PIEZO2: variants seen among roughly 807,000 people sequenced by gnomAD.
The protein encoded by PIEZO2 is piezo-type mechanosensitive ion channel component 2.
PIEZO2 carries 172 observed loss-of-function variants against 337.3 expected under a neutral mutation model. The ratio of observed to expected loss-of-function variants is 0.51; its 90% confidence interval spans 0.45 to 0.58. The LOEUF is 0.58. PIEZO2 is among the 20% of genes least tolerant of loss of function. PIEZO2 has a pLI of 0.00. For synonymous variants in PIEZO2, 1,251 were observed against 1,228.5 expected (o/e 1.02, Z -0.38); for missense variants, 3,028 against 3,391.3 (o/e 0.89, Z 2.66).
Position 11,133,648 on chromosome 18 carries a change from G to T in PIEZO2, c.64+14877C>A, listed in dbSNP as rs550715414. 3.3e-5 allele frequency among the ~76,000 whole-genome samples: 5 copies of T among 152,224 alleles called. 1 individual carries two copies. Among genetic ancestry groups the T allele is most frequent in the African/African-American group, 1.2e-4 (5 of 41,542 alleles). ...ACTTCCCAGTCTATATCTTTGTCCT[G>T]TGCTGGATCCTTCCTGCCCTCAAAT... On this transcript the variant is annotated intron_variant, in intron 1 of 55. Transcript: ENST00000674853.
At chr18:10,801,340 C>T (rs1268045906) in intron 10 of PIEZO2, 50 bp downstream of exon 10, 1 of 1,415,176 alleles carries the variant, frequency 7.1e-7, no homozygotes, top group African/African-American at 1.4e-5. Context: ...CATTTGTTGC[C>T]TTTACATCAC....
At chr18:10,864,419 G>A (rs1369033664) in intron 5 of PIEZO2, among the ~76,000 whole-genome samples, 2 of 152,108 alleles carry the variant, frequency 1.3e-5, no homozygotes, top group African/African-American at 4.8e-5. Context: ...TAAGGACATT[G>A]AGAGAAAAAA....
intron 2 of PIEZO2, among the ~76,000 whole-genome samples, chr18:10,991,187 C>CACAT (rs1303147275): frequency 4.7e-5 from 7 of 148,302 alleles, no homozygotes; most frequent in Admixed American, 1.3e-4. Context: ...CACACACACA[C>CACAT]ACATACATAC....
intron 5 of PIEZO2, among the ~76,000 whole-genome samples, chr18:10,864,853 G>A (rs761240703): frequency 3.3e-5 from 5 of 152,188 alleles, no homozygotes; most frequent in Non-Finnish European, 4.4e-5. Flanking sequence ...GGACAAGAAT[G>A]AGAAGAGCAT....
intron 2 of PIEZO2, among the ~76,000 whole-genome samples, chr18:11,023,201 G>T (rs1422776195): frequency 1.3e-5 from 2 of 151,990 alleles, no homozygotes; most frequent in Non-Finnish European, 2.9e-5. Flanking sequence ...CTGCTGGCTC[G>T]GGCAGCCTGC....
rs1167657122 is a variant in PIEZO2 at position 10,945,546 on chromosome 18, ATAACT to A, written c.286+33984_286+33988del. On this transcript the variant is annotated intron_variant, in intron 3 of 55. Transcript: ENST00000674853. This position sits in a 1 kb window ranked among gnomAD's most constrained non-coding sequence, Gnocchi z 4.0. ...CCCCAAGAGATCAAAACATTTCCAA[ATAACT>A]TAACTGCATTTCAGAACCAAGCTTA... Among the ~76,000 whole-genome samples the A allele has an allele frequency of 3.9e-5, 6 of 152,224 alleles. No individual in the cohort carries two copies. Among genetic ancestry groups the A allele is most frequent in the African/African-American group, 1.4e-4 (6 of 41,460 alleles).
At chr18:11,025,517 C>T (rs1352932205) in intron 2 of PIEZO2, among the ~76,000 whole-genome samples, 1 of 151,994 alleles carries the variant, frequency 6.6e-6, no homozygotes, top group Non-Finnish European at 1.5e-5. Context: ...CTTCAAAGGG[C>T]CCGGTGCACT....
intron 2 of PIEZO2, among the ~76,000 whole-genome samples, chr18:11,050,899 A>T (rs906305050): frequency 1.7e-5 from 2 of 118,244 alleles, no homozygotes; most frequent in Admixed American, 8.4e-5. Flanking sequence ...ACCAGGTTTA[A>T]AAAAAAAAAA....
Position 10,686,625 on chromosome 18 carries a change from G to C in PIEZO2, c.7497+3030C>G, listed in dbSNP as rs74573867. On this transcript the variant is annotated intron_variant, in intron 49 of 55. Transcript: ENST00000674853. ...CAGACACTGAGCTTGCCATCACAGA[G>C]CTCATAATAGACAGAAAAAGAGACA... is the stretch of plus-strand genomic sequence containing the variant. 9.0e-3 allele frequency among the ~76,000 whole-genome samples: 1,375 copies of C among 152,310 alleles called. 26 individuals carry two copies. The highest frequency in any genetic ancestry group is 0.031 in the African/African-American group (1,286 of 41,560).
rs77514800 is a variant in PIEZO2 at position 10,769,904 on chromosome 18, T to C, written c.2946+244A>G. The C allele has an allele frequency of 0.013, 5,213 of 394,640 alleles. 223 individuals carry two copies. The highest frequency in any genetic ancestry group is 0.097 in the African/African-American group (4,708 of 48,676). The allele number at this position is 394,640 out of a possible 1,614,324, so 24.4% of individuals were successfully genotyped here. ...CTGCTCTCACACTCTTCCCTAAGGA[T>C]TCGATGAAAATAAGTAGCCTTTGTA... is the stretch of plus-strand genomic sequence containing the variant. On this transcript the variant is annotated intron_variant, in intron 21 of 55. Transcript: ENST00000674853.
chr18:10,893,923 T>TACTGTATG (rs2042824055), intron 4 of PIEZO2, among the ~76,000 whole-genome samples: 1 of 152,168 alleles, frequency 6.6e-6, no homozygotes, highest in South Asian at 2.1e-4. Flanking sequence ...AGTAGGTAGC[T>TACTGTATG]AGTCAGGCAT....
intron 3 of PIEZO2, among the ~76,000 whole-genome samples, chr18:10,932,402 AAC>A (rs1389860590): frequency 2.0e-5 from 3 of 152,086 alleles, no homozygotes; most frequent in Non-Finnish European, 4.4e-5. Context: ...TCAAAAACAA[AAC>A]AAAACAAAAA....
chr18:10,802,426 T>C lies in PIEZO2; in HGVS notation c.1201-998A>G, dbSNP rs573044450. ...CTTAAAATACTTATTTACTTATGTA[T>C]TTATTCATTAAAAATTTAAAAAAAC... On this transcript the variant is annotated intron_variant, in intron 9 of 55. Coordinates refer to ENST00000674853, the MANE Select transcript of PIEZO2 (RefSeq NM_001378183.1). Among the ~76,000 whole-genome samples, 41 of 152,332 alleles carry C rather than the reference T, an allele frequency of 2.7e-4. 1 individual carries two copies. In the South Asian group the frequency reaches 8.5e-3, roughly 32 times the overall value.
Position 10,748,358 on chromosome 18 carries a change from G to A in PIEZO2, c.4424+113C>T, listed in dbSNP as rs2037509063. The A allele has an allele frequency of 9.5e-7, 1 of 1,057,096 alleles. No homozygotes were observed. Among genetic ancestry groups the A allele is most frequent in the Non-Finnish European group, 1.3e-6 (1 of 744,508 alleles). The allele number at this position is 1,057,096 out of a possible 1,614,324, so 65.5% of individuals were successfully genotyped here. A position where few individuals can be genotyped will look rare whatever the true frequency, so the allele number is the denominator to read the frequency against. ...TTCTTGGATTGGTTTTGCTGGAAGG[G>A]ATTTCTTAACTTCTTGTGGGTTCTA... On this transcript the variant is annotated intron_variant, in intron 30 of 55. Transcript: ENST00000674853. This position sits in a 1 kb window ranked among gnomAD's most constrained non-coding sequence, Gnocchi z 5.1.
At chr18:10,800,972 G>A (rs1197829421) in intron 10 of PIEZO2, among the ~76,000 whole-genome samples, 2 of 152,212 alleles carry the variant, frequency 1.3e-5, no homozygotes, top group African/African-American at 4.8e-5. Context: ...ATCACCCTCT[G>A]GGGATCTCTG....
At chr18:10,919,755 T>G (rs2031262925) in intron 3 of PIEZO2, among the ~76,000 whole-genome samples, 1 of 152,192 alleles carries the variant, frequency 6.6e-6, no homozygotes, top group Non-Finnish European at 1.5e-5. Context: ...AATCCTTGAC[T>G]ACAAGATTTC....
At chr18:10,851,616 T>C (rs144918735) in intron 7 of PIEZO2, among the ~76,000 whole-genome samples, 209 of 152,324 alleles carry the variant, frequency 1.4e-3, no homozygotes, top group Non-Finnish European at 2.5e-3. Context: ...TCAGTGCTTG[T>C]TTTGGTGCCA....
rs1351887938 is a variant in PIEZO2, at chr18:10,705,613, T to C, written c.5722A>G (p.Thr1908Ala). 5.9e-6 allele frequency: 9 copies of C among 1,537,182 alleles called. No homozygotes were observed. The East Asian group carries it at 2.2e-4, about 38-fold the overall frequency. Residue 1908 changes from threonine (T) to alanine (A), a missense_variant, in exon 41 of 56, where the codon ACT (threonine) becomes GCT (alanine). By Grantham distance (58) the Thr-to-Ala change is moderately conservative. This residue lies in a region of PIEZO2 where 1,925 missense variants were observed against 2,051.9 expected (regional missense o/e 0.94). Transcript: ENST00000674853. ...EPREAKEYEA[T>A]GYDVGAMGAE... ...CCCATGGCTCCCACATCGTACCCAG[T>C]GGCCTCGTACTCCTTGGCCTCCCTG...
chr18:11,057,755 T>A (rs1213821574), intron 2 of PIEZO2, among the ~76,000 whole-genome samples: 1 of 152,222 alleles, frequency 6.6e-6, no homozygotes, highest in African/African-American at 2.4e-5. Flanking sequence ...ACTTTAAAAA[T>A]CCATGATTCT....
Sources: allele counts gnomAD v4.1 joint callset (sites outside exome capture counted in the v4.1 genomes callset), GRCh38; gene constraint gnomAD v4.1.1; regional missense constraint gnomAD v4.1.1; non-coding constraint Gnocchi (gnomAD v3.1); transcripts MANE v1.5; gene names NCBI Gene and HGNC (gene_info 2026-07-23, HGNC 2026-07-21).